Variants in PDE11A observed in about 807,000 individuals in gnomAD.
PDE11A encodes phosphodiesterase 11A.
In PDE11A, 100 loss-of-function variants were observed where a neutral mutation model predicts 100.5. The ratio of observed to expected loss-of-function variants is 1.00; its 90% confidence interval spans 0.85 to 1.18. The LOEUF (loss-of-function observed/expected upper bound fraction) is 1.18. Ranked by LOEUF, PDE11A falls within the 50% of genes most tolerant of loss-of-function variation. PDE11A has a pLI of 0.00. For synonymous variants in PDE11A, 381 were observed against 420.8 expected (o/e 0.91, Z 1.16); for missense variants, 1,141 against 1,152.6 (o/e 0.99, Z 0.15).
intron 9 of PDE11A, among the ~76,000 whole-genome samples, chr2:177,784,363 A>C (rs1362576877): frequency 1.3e-5 from 2 of 151,948 alleles, no homozygotes; most frequent in Non-Finnish European, 2.9e-5. Flanking sequence ...AACAGTTTAC[A>C]ATTACAATTA....
intron 19 of PDE11A, among the ~76,000 whole-genome samples, chr2:177,646,425 C>G (rs10497493): frequency 0.78 from 118,830 of 152,150 alleles, 47,121 homozygotes; most frequent in East Asian, 0.9. Context: ...TCATATGTGA[C>G]CTGATTACAA....
chr2:177,762,669 C>G (rs1437088462), intron 10 of PDE11A, among the ~76,000 whole-genome samples: 4 of 152,166 alleles, frequency 2.6e-5, no homozygotes, highest in African/African-American at 9.7e-5. Context: ...TTCTGCTGTG[C>G]TAACATGGGG....
At chr2:177,918,100 C>T (rs536316793) in intron 2 of PDE11A, among the ~76,000 whole-genome samples, 21 of 152,226 alleles carry the variant, frequency 1.4e-4, no homozygotes, top group African/African-American at 4.6e-4. Flanking sequence ...TAAAGTTTGG[C>T]CTAACAACAA....
chr2:177,751,372 T>C (rs1441047198), intron 10 of PDE11A, among the ~76,000 whole-genome samples: 1 of 152,194 alleles, frequency 6.6e-6, no homozygotes, highest in African/African-American at 2.4e-5. Flanking sequence ...ATACCAACTT[T>C]ATGTAAATGA....
chr2:178,029,685 T>C (rs2086520860), intron 1 of PDE11A, among the ~76,000 whole-genome samples: 1 of 152,152 alleles, frequency 6.6e-6, no homozygotes, highest in Non-Finnish European at 1.5e-5. Flanking sequence ...AGGAAATATA[T>C]ATTGAAGACA....
At chr2:177,917,487 C>T (rs976168098) in intron 2 of PDE11A, among the ~76,000 whole-genome samples, 1 of 152,230 alleles carries the variant, frequency 6.6e-6, no homozygotes, top group African/African-American at 2.4e-5. Flanking sequence ...ACTGACTATC[C>T]ATCCCAATGT....
At chr2:177,885,803 A>G (rs1317809123) in intron 4 of PDE11A, among the ~76,000 whole-genome samples, 3 of 152,192 alleles carry the variant, frequency 2.0e-5, no homozygotes, top group African/African-American at 7.2e-5. Flanking sequence ...GCTTAACTGT[A>G]TGTACATTTA....
At chr2:177,907,283 C>T (rs1177545584) in intron 2 of PDE11A, among the ~76,000 whole-genome samples, 1 of 152,002 alleles carries the variant, frequency 6.6e-6, no homozygotes, top group African/African-American at 2.4e-5. Context: ...TTTTTTAGTT[C>T]TAATCTTTGG....
At chr2:177,918,015 C>G (rs2084979530) in intron 2 of PDE11A, among the ~76,000 whole-genome samples, 1 of 152,104 alleles carries the variant, frequency 6.6e-6, no homozygotes, top group African/African-American at 2.4e-5. Context: ...TGTATCTATG[C>G]AACTAAAACA....
intron 9 of PDE11A, among the ~76,000 whole-genome samples, chr2:177,810,316 T>A (rs976249816): frequency 6.6e-6 from 1 of 152,146 alleles, no homozygotes; most frequent in Non-Finnish European, 1.5e-5. Context: ...TATAGAATAC[T>A]GAAAAGAATA....
intron 1 of PDE11A, among the ~76,000 whole-genome samples, chr2:178,036,917 C>T (rs1276482941): frequency 2.6e-5 from 4 of 152,130 alleles, no homozygotes; most frequent in East Asian, 3.8e-4. Context: ...ACCATAAAAA[C>T]CCTAGAAGAA....
chr2:177,922,581 T>C (rs1380562967), intron 2 of PDE11A: 1 of 569,058 alleles, frequency 1.8e-6, no homozygotes, highest in Admixed American at 6.3e-5. Flanking sequence ...CCCAAAAACC[T>C]GGAGCCATGT....
chr2:177,754,992 T>G (rs1443932419), intron 10 of PDE11A, among the ~76,000 whole-genome samples: 1 of 152,234 alleles, frequency 6.6e-6, no homozygotes, highest in African/African-American at 2.4e-5. Context: ...AATAAATTCA[T>G]GAAGAAATGA....
chr2:177,748,914 G>T (rs950173326), intron 10 of PDE11A, among the ~76,000 whole-genome samples: 8 of 152,134 alleles, frequency 5.3e-5, no homozygotes, highest in African/African-American at 1.7e-4. Context: ...CTGCAGGTAG[G>T]TTATTTATAT....
chr2:177,750,549 A>G (rs904558870), intron 10 of PDE11A, among the ~76,000 whole-genome samples: 3 of 152,182 alleles, frequency 2.0e-5, no homozygotes, highest in Non-Finnish European at 4.4e-5. Flanking sequence ...TCTTTTGACA[A>G]TGTGAGGCCA....
chr2:178,060,966 CAG>C, intron 1 of PDE11A, among the ~76,000 whole-genome samples: 1 of 100,326 alleles, frequency 1.0e-5, no homozygotes, highest in South Asian at 3.5e-4. Flanking sequence ...TTTTTTGAGA[CAG>C]AGTCTCACTC....
At chr2:178,032,103 T>C (rs754716554) in intron 1 of PDE11A, among the ~76,000 whole-genome samples, 3 of 152,174 alleles carry the variant, frequency 2.0e-5, no homozygotes, top group Non-Finnish European at 4.4e-5. Flanking sequence ...TAAATGACCC[T>C]AGGTCAATTG....
chr2:177,674,114 C>T (rs986045649), intron 17 of PDE11A, among the ~76,000 whole-genome samples: 6 of 152,198 alleles, frequency 3.9e-5, no homozygotes, highest in African/African-American at 1.4e-4. Flanking sequence ...CCATAACACA[C>T]TGCTAAGAAT....
chr2:177,743,751 T>C lies in PDE11A; in HGVS notation c.1789-15579A>G, dbSNP rs182614171. The stretch of plus-strand genomic sequence containing the variant: ...ATAAGTTATTACTATATTATAACCC[T>C]AAAGGGAAAAGGTAGGGAGTGGGGT... On this transcript the variant is annotated intron_variant, in intron 10 of 19. Coordinates refer to ENST00000286063, the MANE Select transcript of PDE11A (RefSeq NM_016953.4). 2.0e-3 allele frequency among the ~76,000 whole-genome samples: 306 copies of C among 152,264 alleles called. 2 individuals carry two copies. The highest frequency in any genetic ancestry group is 7.2e-3 in the African/African-American group (297 of 41,538).
Sources: allele counts gnomAD v4.1 joint callset (sites outside exome capture counted in the v4.1 genomes callset), GRCh38; gene constraint gnomAD v4.1.1; transcripts MANE v1.5; gene names NCBI Gene and HGNC (gene_info 2026-07-23, HGNC 2026-07-21).